Variants in PPARD observed in about 807,000 individuals in gnomAD.
PPARD encodes peroxisome proliferator activated receptor delta.
In PPARD, 6 loss-of-function variants were observed where a neutral mutation model predicts 39.5. That is an observed-to-expected ratio of 0.15 (90% CI 0.08 to 0.30). The LOEUF is 0.30. Among genes scored for constraint, PPARD ranks in the 10% least tolerant of loss-of-function variants. The pLI, the probability that PPARD is intolerant of heterozygous loss-of-function variation, is 1.00. For missense variants in PPARD, 397 were observed against 596.8 expected (o/e 0.67, Z 3.49); for synonymous variants, 210 against 231.3 (o/e 0.91, Z 0.83).
intron 2 of PPARD, among the ~76,000 whole-genome samples, chr6:35,358,275 G>A (rs946061775): frequency 1.5e-4 from 23 of 152,202 alleles, no homozygotes; most frequent in African/African-American, 5.3e-4. Flanking sequence ...AACGAACGTA[G>A]CTTTGGAAGC....
chr6:35,399,291 T>C (rs1764540835), intron 2 of PPARD, among the ~76,000 whole-genome samples: 1 of 147,978 alleles, frequency 6.8e-6, no homozygotes, highest in South Asian at 2.1e-4. Flanking sequence ...TCCCAGCTAC[T>C]CTGGAGGCTG....
At chr6:35,367,352 TGTG>T (rs1156698592) in intron 2 of PPARD, among the ~76,000 whole-genome samples, 2 of 152,110 alleles carry the variant, frequency 1.3e-5, no homozygotes, top group Admixed American at 6.5e-5. Context: ...GATATGGTGG[TGTG>T]GTGGTGGTTT....
intron 2 of PPARD, among the ~76,000 whole-genome samples, chr6:35,384,048 GC>G (rs1763369570): frequency 6.8e-6 from 1 of 147,962 alleles, no homozygotes; most frequent in African/African-American, 2.5e-5. Context: ...GGGGGGGTCA[GC>G]CCCCCGCCAG....
intron 2 of PPARD, among the ~76,000 whole-genome samples, chr6:35,384,270 G>A (rs1451757047): frequency 4.6e-4 from 60 of 130,120 alleles, no homozygotes; most frequent in African/African-American, 1.9e-3. Flanking sequence ...GGTAGGTTCA[G>A]CCCCCCGCCA....
At chr6:35,420,702 A>C (rs2076169) in intron 4 of PPARD, among the ~76,000 whole-genome samples, 2 of 152,138 alleles carry the variant, frequency 1.3e-5, no homozygotes, top group Non-Finnish European at 2.9e-5. Flanking sequence ...ACACCCATCA[A>C]AATCTCACAG....
intron 2 of PPARD, among the ~76,000 whole-genome samples, chr6:35,369,322 C>T (rs1762362463): frequency 6.6e-6 from 1 of 152,114 alleles, no homozygotes. Flanking sequence ...TCATAAAGTC[C>T]ACCTGTTGAC....
rs564903289 is a variant in PPARD at position 35,425,180 on chromosome 6, A to G, written c.1078+401A>G. On this transcript the variant is annotated intron_variant, in intron 7 of 7. Coordinates refer to ENST00000360694, the MANE Select transcript of PPARD (RefSeq NM_006238.5). This position sits in a 1 kb window ranked among gnomAD's most constrained non-coding sequence, Gnocchi z 4.5. Reference sequence around the variant, plus strand: ...TCCCAGCTACTTGGGAGGCTGAGCCAGGAGAATCGCTTGAACCCGAGAGGT... The same window carrying G: ...TCCCAGCTACTTGGGAGGCTGAGCCGGGAGAATCGCTTGAACCCGAGAGGT... 6 of 842,480 alleles carry G rather than the reference A, an allele frequency of 7.1e-6. No homozygotes were observed. The highest frequency in any genetic ancestry group is 8.8e-6 in the Non-Finnish European group (6 of 681,108). 52.2% of individuals were successfully genotyped at this position (842,480 alleles called of 1,614,324 possible).
chr6:35,365,130 C>CCTTTTTTTTTTTTTTTTTTTTTTTT (rs1281072287), intron 2 of PPARD, among the ~76,000 whole-genome samples: 6 of 121,086 alleles, frequency 5.0e-5, no homozygotes, highest in African/African-American at 2.1e-4. Context: ...CTTCCTTATT[C>CCTTTTTTTTTTTTTTTTTTTTTTTT]TTTTTTTTTT....
At chr6:35,354,584 C>T (rs1285946908) in intron 2 of PPARD, among the ~76,000 whole-genome samples, 2 of 152,108 alleles carry the variant, frequency 1.3e-5, no homozygotes, top group Non-Finnish European at 2.9e-5. Context: ...CAGGCATGAG[C>T]CACCGTGCCC....
intron 2 of PPARD, among the ~76,000 whole-genome samples, chr6:35,354,085 A>T (rs1761417739): frequency 1.3e-5 from 2 of 151,794 alleles, no homozygotes; most frequent in South Asian, 4.2e-4. Context: ...ACAAAAAATT[A>T]GCTGGGCGTG....
rs951910615 is a variant in PPARD at position 35,425,070 on chromosome 6, C to G, written c.1078+291C>G. The G allele has an allele frequency of 2.7e-6, 3 of 1,110,076 alleles. No homozygotes were observed. Among genetic ancestry groups the G allele is most frequent in the South Asian group, 5.0e-5 (2 of 39,854 alleles). The allele number at this position is 1,110,076 out of a possible 1,614,324, so 68.8% of individuals were successfully genotyped here. A position where few individuals can be genotyped will look rare whatever the true frequency, so the allele number is the denominator to read the frequency against. On this transcript the variant is annotated intron_variant, in intron 7 of 7. Transcript: ENST00000360694. This position sits in a 1 kb window ranked among gnomAD's most constrained non-coding sequence, Gnocchi z 4.5. ...GGTGGATCACTTGAGGTCAGGAGTT[C>G]GAAACCAGCCTGGCCAACATGGTGA... is the stretch of plus-strand genomic sequence containing the variant.
intron 2 of PPARD, among the ~76,000 whole-genome samples, chr6:35,404,805 A>G (rs1389634890): frequency 3.9e-5 from 6 of 152,280 alleles, no homozygotes; most frequent in African/African-American, 1.4e-4. Context: ...TCTAACTACC[A>G]CTGCCCATGA....
At chr6:35,347,175 G>A (rs201761664) in intron 2 of PPARD, 25 bp downstream of exon 2, 141 of 1,535,416 alleles carry the variant, frequency 9.2e-5, no homozygotes, top group Non-Finnish European at 1.2e-4. Context: ...TTTACTCAGG[G>A]GTCTCTGACC....
At chr6:35,411,841 C>G (rs548235245) in intron 3 of PPARD, among the ~76,000 whole-genome samples, 7 of 152,224 alleles carry the variant, frequency 4.6e-5, no homozygotes, top group African/African-American at 1.7e-4. Flanking sequence ...GTTCTGTCAT[C>G]TTCATCATCA....
rs893426008 is a variant in PPARD at position 35,352,269 on chromosome 6, C to T, written c.-102+5119C>T. On this transcript the variant is annotated intron_variant, in intron 2 of 7. Transcript: ENST00000360694. ...TGTGATCTCGGCTCACTGCAACCTC[C>T]GCCTCGTGGGTTCAAGTGATTCTTC... Among the ~76,000 whole-genome samples, 5 of 150,474 alleles carry T rather than the reference C, an allele frequency of 3.3e-5. No homozygotes were observed. In the East Asian group the frequency reaches 6.0e-4, roughly 18 times the overall value.
rs1464325614 is a variant in PPARD at position 35,420,290 on chromosome 6, T to TG, written c.285+15dup. 3.3e-6 allele frequency: 5 copies of TG among 1,534,650 alleles called. No individual in the cohort carries two copies. Among genetic ancestry groups the TG allele is most frequent in the Admixed American group, 4.0e-5 (2 of 50,314 alleles). ...CATGTGAGGGGTGCAAGGTACGGAC[T>TG]GGGGGGAGCGGTGGCTGGCCACTGA... On this transcript the variant is annotated intron_variant, in intron 4 of 7. Coordinates refer to ENST00000360694, the MANE Select transcript of PPARD (RefSeq NM_006238.5).
intron 2 of PPARD, among the ~76,000 whole-genome samples, chr6:35,373,836 TTTTTTTGTA>T (rs1762636286): frequency 6.6e-6 from 1 of 151,972 alleles, no homozygotes; most frequent in Non-Finnish European, 1.5e-5. Flanking sequence ...CCTGGCTAAT[TTTTTTTGTA>T]TTTTTTGTAG....
intron 2 of PPARD, among the ~76,000 whole-genome samples, chr6:35,405,040 G>A (rs1236081787): frequency 6.6e-6 from 1 of 151,738 alleles, no homozygotes; most frequent in African/African-American, 2.4e-5. Context: ...TAGTCCAGGG[G>A]TTTGTTTTGC....
intron 2 of PPARD, among the ~76,000 whole-genome samples, chr6:35,390,123 T>G (rs1188527917): frequency 6.6e-6 from 1 of 152,242 alleles, no homozygotes; most frequent in African/African-American, 2.4e-5. Flanking sequence ...CTGACTCACC[T>G]TGGCCTTCCC....
Sources: gnomAD v4.1 joint callset for allele counts (sites outside exome capture counted in the v4.1 genomes callset) on GRCh38, gnomAD v4.1.1 for gene constraint, Gnocchi (gnomAD v3.1) non-coding constraint, MANE v1.5 for transcripts, NCBI Gene and HGNC (gene_info 2026-07-23, HGNC 2026-07-21) for gene names.